The following WWC2 variants were observed in gnomAD, a reference collection of about 807,000 sequenced individuals.
The protein encoded by WWC2 is WW and C2 domain containing 2.
WWC2 carries 101 observed loss-of-function variants against 138.5 expected under a neutral mutation model. The observed-to-expected ratio is 0.73, with a 90% CI of 0.62 to 0.86. The LOEUF (loss-of-function observed/expected upper bound fraction) is 0.86. WWC2 is among the 40% of genes least tolerant of loss of function. The probability of loss-of-function intolerance (pLI) is 0.00; values close to 1 mark genes in which losing one functional copy is unlikely to be tolerated. For missense variants in WWC2, 1,420 were observed against 1,419.4 expected, an observed-to-expected ratio of 1.00 and a Z score of -0.01; for synonymous variants, 558 against 538.4, an observed-to-expected ratio of 1.04 and a Z score of -0.50.
chr4:183,110,657 G>A (rs1579946106), intron 1 of WWC2, among the ~76,000 whole-genome samples: 2 of 152,278 alleles, frequency 1.3e-5, no homozygotes, highest in African/African-American at 4.8e-5. Context: ...ATGTACTTTG[G>A]TTTCACTAGG....
At chr4:183,163,974 C>G (rs562363739) in intron 1 of WWC2, among the ~76,000 whole-genome samples, 41 of 151,966 alleles carry the variant, frequency 2.7e-4, no homozygotes, top group African/African-American at 9.7e-4. Flanking sequence ...ACAATTGAGT[C>G]AAGTTCTTGA....
At chr4:183,123,354 C>G (rs1178629452) in intron 1 of WWC2, among the ~76,000 whole-genome samples, 1 of 151,752 alleles carries the variant, frequency 6.6e-6, no homozygotes, top group Non-Finnish European at 1.5e-5. Flanking sequence ...CAAATACCAA[C>G]ATAGACAAAT....
At chr4:183,222,874 G>A (rs922262195) in intron 4 of WWC2, among the ~76,000 whole-genome samples, 1 of 152,152 alleles carries the variant, frequency 6.6e-6, no homozygotes, top group Non-Finnish European at 1.5e-5. Context: ...GCTGAGGCAC[G>A]AGAATCACTT....
intron 4 of WWC2, among the ~76,000 whole-genome samples, chr4:183,235,317 G>A (rs1166864697): frequency 6.6e-6 from 1 of 152,106 alleles, no homozygotes; most frequent in African/African-American, 2.4e-5. Context: ...ACTTTGTCAA[G>A]TCAATTTTAG....
chr4:183,154,794 A>G (rs1733749774), intron 1 of WWC2, among the ~76,000 whole-genome samples: 1 of 152,216 alleles, frequency 6.6e-6, no homozygotes, highest in Admixed American at 6.5e-5. Context: ...GATATGCCGT[A>G]TAGCCAATGA....
intron 1 of WWC2, among the ~76,000 whole-genome samples, chr4:183,188,233 G>A (rs995560075): frequency 4.4e-4 from 67 of 151,966 alleles, no homozygotes; most frequent in African/African-American, 1.6e-3. Flanking sequence ...TCCCCATTGT[G>A]ACGTGTTCTT....
rs560536376 is a variant in WWC2 at position 183,143,461 on chromosome 4, C to T, written c.131+43839C>T. ...TGAACCCTGTTTGGATAATTAGAAACGTGCTATAAAGTAGTGAACATTTTT... is the reference window on the plus strand; with the variant it reads ...TGAACCCTGTTTGGATAATTAGAAATGTGCTATAAAGTAGTGAACATTTTT... On this transcript the variant is annotated intron_variant, in intron 1 of 22. Transcript: ENST00000403733. 5.3e-5 allele frequency among the ~76,000 whole-genome samples: 8 copies of T among 152,222 alleles called. No individual in the cohort carries two copies. The South Asian group carries it at 1.5e-3, about 28-fold the overall frequency.
At chr4:183,224,916 C>T (rs1323575068) in intron 4 of WWC2, among the ~76,000 whole-genome samples, 2 of 152,166 alleles carry the variant, frequency 1.3e-5, no homozygotes, top group East Asian at 1.9e-4. Context: ...ACATAACTGA[C>T]ATGTTTTAGG....
intron 1 of WWC2, among the ~76,000 whole-genome samples, chr4:183,100,548 A>G (rs1259909083): frequency 6.6e-6 from 1 of 152,230 alleles, no homozygotes; most frequent in Non-Finnish European, 1.5e-5. Context: ...ACCAGGGATA[A>G]CTTCGACATT....
intron 21 of WWC2, among the ~76,000 whole-genome samples, chr4:183,289,897 G>C (rs972604463): frequency 5.9e-5 from 9 of 151,622 alleles, no homozygotes; most frequent in African/African-American, 2.2e-4. Context: ...CGTGGCCAGT[G>C]GGGGTGAGGG....
At chr4:183,110,065 C>G (rs1382895181) in intron 1 of WWC2, among the ~76,000 whole-genome samples, 1 of 152,190 alleles carries the variant, frequency 6.6e-6, no homozygotes, top group Non-Finnish European at 1.5e-5. Flanking sequence ...CTCTGGGCAC[C>G]TGGCTTTGCC....
intron 1 of WWC2, among the ~76,000 whole-genome samples, chr4:183,169,717 A>G (rs1026832948): frequency 2.6e-5 from 4 of 152,194 alleles, no homozygotes; most frequent in African/African-American, 9.7e-5. Flanking sequence ...ATAATATAGT[A>G]TATATGTTAA....
In WWC2 at chr4:183,271,075, C is replaced by T; in HGVS notation, c.2401-5C>T. ...TTTTTTCTTTGTTTTCTTTCACTTA[C>T]ATAGGCTGGAACTCAGATCAGCCTG... is the stretch of plus-strand genomic sequence containing the variant. On this transcript the variant is annotated splice_region_variant and splice_polypyrimidine_tract_variant and intron_variant, in intron 15 of 22. Coordinates refer to ENST00000403733, the MANE Select transcript of WWC2 (RefSeq NM_024949.6). 1 of 1,536,788 alleles carries T rather than the reference C, an allele frequency of 6.5e-7. No homozygotes were observed.
chr4:183,140,880 C>T (rs545795230), intron 1 of WWC2, among the ~76,000 whole-genome samples: 7,383 of 152,206 alleles, frequency 0.049, 608 homozygotes, highest in African/African-American at 0.17. Flanking sequence ...GCCTGATTTC[C>T]ACCAATCTGC....
At chr4:183,231,540 G>A (rs1248587383) in intron 4 of WWC2, among the ~76,000 whole-genome samples, 1 of 152,048 alleles carries the variant, frequency 6.6e-6, no homozygotes, top group Non-Finnish European at 1.5e-5. Flanking sequence ...AAAGTGCTGG[G>A]ATTACAGGCG....
Position 183,271,120 on chromosome 4 carries a change from G to A in WWC2, c.2441G>A (p.Ser814Asn), listed in dbSNP as rs763458399. The A allele has an allele frequency of 2.5e-6, 4 of 1,607,864 alleles. No individual in the cohort carries two copies. The highest frequency in any genetic ancestry group is 2.2e-5 in the South Asian group (2 of 89,796). ...AGCCTGGCAGATTTACCATTTTCCA[G>A]TGAGGTTTTCACTCTATGGTATAAC... Reference protein sequence around the residue: ...QISLADLPFSSEVFTLWYNLL... With the variant: ...QISLADLPFSNEVFTLWYNLL... The change falls in exon 16 of 23, where the codon AGT becomes AAT. Residue 814 changes from serine (S) to asparagine (N), a missense_variant. Coordinates refer to ENST00000403733, the MANE Select transcript of WWC2 (RefSeq NM_024949.6).
intron 1 of WWC2, among the ~76,000 whole-genome samples, chr4:183,141,108 A>G (rs994837506): frequency 6.6e-6 from 1 of 152,242 alleles, no homozygotes; most frequent in African/African-American, 2.4e-5. Context: ...TCTGATTTCT[A>G]TTCTCCAGGT....
chr4:183,194,207 T>G (rs1264903309), intron 2 of WWC2, among the ~76,000 whole-genome samples: 1 of 152,214 alleles, frequency 6.6e-6, no homozygotes, highest in Non-Finnish European at 1.5e-5. Context: ...TCCTGATTTC[T>G]TTGTCGTTGG....
intron 1 of WWC2, among the ~76,000 whole-genome samples, chr4:183,156,082 A>G (rs895491823): frequency 4.0e-5 from 6 of 151,744 alleles, no homozygotes; most frequent in Non-Finnish European, 5.9e-5. Context: ...ATTGGAGTAC[A>G]GTGGCGTGAT....
Sources: gnomAD v4.1 joint callset for allele counts (sites outside exome capture counted in the v4.1 genomes callset) on GRCh38, gnomAD v4.1.1 for gene constraint, MANE v1.5 for transcripts, NCBI Gene and HGNC (gene_info 2026-07-23, HGNC 2026-07-21) for gene names.